DIP2C: variants seen among roughly 807,000 people sequenced by gnomAD.
DIP2C encodes DIP2 acetate--CoA ligase C (putative), also known as disco-interacting protein 2 homolog C.
DIP2C carries 33 observed loss-of-function variants against 192.4 expected under a neutral mutation model. That is an observed-to-expected ratio of 0.17 (90% CI 0.13 to 0.23). The LOEUF (loss-of-function observed/expected upper bound fraction) is 0.23, where lower values mean the gene tolerates loss of function less well. DIP2C is among the 10% of genes least tolerant of loss of function. The pLI is 1.00. For synonymous variants in DIP2C, 979 were observed against 864.1 expected, an observed-to-expected ratio of 1.13 and a Z score of -2.33; for missense variants, 1,537 against 2,110.1, an observed-to-expected ratio of 0.73 and a Z score of 5.32.
intron 1 of DIP2C, among the ~76,000 whole-genome samples, chr10:565,539 TAA>T (rs1193484946): frequency 6.6e-6 from 1 of 152,120 alleles, no homozygotes; most frequent in Admixed American, 6.5e-5. Flanking sequence ...TTTCCAATCG[TAA>T]GAGAGGCATT....
chr10:599,982 G>A (rs1208855727), intron 1 of DIP2C, among the ~76,000 whole-genome samples: 4 of 152,132 alleles, frequency 2.6e-5, no homozygotes, highest in African/African-American at 9.7e-5. Context: ...CTCTCTCTAG[G>A]CCTTAGCAGG....
intron 3 of DIP2C, among the ~76,000 whole-genome samples, chr10:444,308 C>T (rs1441936211): frequency 8.5e-6 from 1 of 117,598 alleles, no homozygotes; most frequent in Non-Finnish European, 1.6e-5. Flanking sequence ...TGGCACTGTT[C>T]CGTCACCCGA....
At chr10:507,667 G>C (rs777422096) in intron 1 of DIP2C, among the ~76,000 whole-genome samples, 1 of 152,180 alleles carries the variant, frequency 6.6e-6, no homozygotes, top group Non-Finnish European at 1.5e-5. Context: ...CCAAAAGCTC[G>C]TCCGTCTTTG....
chr10:548,911 C>CAAAAAAAAAAAAAAAAAAAAAAAAAAA (rs61437915), intron 1 of DIP2C, among the ~76,000 whole-genome samples: 5 of 26,458 alleles, frequency 1.9e-4, no homozygotes, highest in Admixed American at 4.7e-4. Context: ...TAGCAGCTCA[C>CAAAAAAAAAAAAAAAAAAAAAAAAAAA]AAAAAAAAAA....
At chr10:530,339 C>G (rs12265460) in intron 1 of DIP2C, among the ~76,000 whole-genome samples, 37,858 of 152,106 alleles carry the variant, frequency 0.25, 6,390 homozygotes, top group African/African-American at 0.48. Flanking sequence ...GATGAGAATT[C>G]TGGCTTTATT....
intron 22 of DIP2C, among the ~76,000 whole-genome samples, chr10:360,452 T>G (rs941131704): frequency 1.3e-5 from 2 of 152,254 alleles, no homozygotes; most frequent in African/African-American, 4.8e-5. Context: ...TTCACCCATC[T>G]GCAAGTCGGC....
At chr10:600,823 G>C (rs74115073) in intron 1 of DIP2C, among the ~76,000 whole-genome samples, 359 of 152,340 alleles carry the variant, frequency 2.4e-3, no homozygotes, top group African/African-American at 8.5e-3. Flanking sequence ...TTATAACCAC[G>C]TCTCAACCAT....
intron 1 of DIP2C, among the ~76,000 whole-genome samples, chr10:508,134 G>A (rs1461130838): frequency 6.6e-6 from 1 of 152,054 alleles, no homozygotes; most frequent in Non-Finnish European, 1.5e-5. Context: ...TCACGCCACA[G>A]AGGAGCTCGT....
intron 1 of DIP2C, among the ~76,000 whole-genome samples, chr10:643,281 A>G (rs1474741844): frequency 1.3e-5 from 2 of 151,592 alleles, no homozygotes; most frequent in East Asian, 1.9e-4. Flanking sequence ...TTGGGAGGCC[A>G]AGGCGGGTGG....
intron 1 of DIP2C, among the ~76,000 whole-genome samples, chr10:686,596 G>A (rs568172640): frequency 2.6e-5 from 4 of 152,356 alleles, no homozygotes; most frequent in East Asian, 3.9e-4. Flanking sequence ...ACATGGATTC[G>A]AGGCCATCAG....
At chr10:613,219 T>A (rs549873019) in intron 1 of DIP2C, among the ~76,000 whole-genome samples, 1 of 152,370 alleles carries the variant, frequency 6.6e-6, no homozygotes, top group Non-Finnish European at 1.5e-5. Flanking sequence ...TTAGAACTTT[T>A]GAAGAACAGA....
chr10:523,060 G>A (rs557380951), intron 1 of DIP2C, among the ~76,000 whole-genome samples: 2 of 152,006 alleles, frequency 1.3e-5, no homozygotes, highest in South Asian at 4.2e-4. Flanking sequence ...GACTCTACGT[G>A]ACCCACGCGC....
intron 36 of DIP2C, among the ~76,000 whole-genome samples, chr10:278,991 A>T (rs529117324): frequency 6.6e-6 from 1 of 152,316 alleles, no homozygotes; most frequent in South Asian, 2.1e-4. Flanking sequence ...ATATTTTAGG[A>T]AACTCACTAT....
intron 1 of DIP2C, among the ~76,000 whole-genome samples, chr10:491,808 G>C (rs17159588): frequency 9.8e-4 from 149 of 152,326 alleles, no homozygotes; most frequent in African/African-American, 3.2e-3. Flanking sequence ...CATGAGAGAC[G>C]TCCAAGTTGA....
In DIP2C at chr10:504,097, AGGT is replaced by A. The variant is rs1845427276; in HGVS notation, c.86-17570_86-17568del. On this transcript the variant is annotated intron_variant, in intron 1 of 36. Transcript: ENST00000280886. ...TCTCTCTTCATCTCACGACACACAC[AGGT>A]GGTAACTGCAGCCTTCAACCTAACT... Among the ~76,000 whole-genome samples the A allele has an allele frequency of 7.2e-5, 11 of 152,212 alleles. No homozygotes were observed. In the South Asian group the frequency reaches 1.9e-3, roughly 26 times the overall value.
intron 1 of DIP2C, chr10:661,892 G>A (rs575864022): frequency 6.8e-5 from 42 of 613,842 alleles, no homozygotes; most frequent in Middle Eastern, 3.2e-4. Context: ...AAAGCACAAC[G>A]CCGACCTCAG....
intron 13 of DIP2C, among the ~76,000 whole-genome samples, chr10:389,325 C>G (rs1239316921): frequency 6.6e-6 from 1 of 152,080 alleles, no homozygotes; most frequent in Non-Finnish European, 1.5e-5. Flanking sequence ...CTGGGGTCCC[C>G]GGGGTCGCAC....
chr10:540,939 T>TAG (rs1214698008), intron 1 of DIP2C, among the ~76,000 whole-genome samples: 10 of 151,832 alleles, frequency 6.6e-5, no homozygotes, highest in African/African-American at 2.4e-4. Context: ...AAACACATGG[T>TAG]AGGAAGGTGG....
chr10:370,977 A>C (rs1185786030), intron 17 of DIP2C, among the ~76,000 whole-genome samples: 1 of 152,226 alleles, frequency 6.6e-6, no homozygotes, highest in African/African-American at 2.4e-5. Context: ...AGCTAACCAG[A>C]TATAAAAGAA....
Sources: gnomAD v4.1 joint callset for allele counts (sites outside exome capture counted in the v4.1 genomes callset) on GRCh38, gnomAD v4.1.1 for gene constraint, MANE v1.5 for transcripts, NCBI Gene and HGNC (gene_info 2026-07-23, HGNC 2026-07-21) for gene names.